The following ARHGEF18 variants were observed in gnomAD, a reference collection of about 807,000 sequenced individuals.
ARHGEF18 encodes Rho/Rac guanine nucleotide exchange factor 18, also known as rho guanine nucleotide exchange factor 18.
Under a neutral mutation model 155.7 loss-of-function variants are expected in ARHGEF18, and 93 were observed. The observed-to-expected ratio is 0.60, with a 90% CI of 0.50 to 0.71. ARHGEF18 has a LOEUF of 0.71. Ranked by LOEUF, ARHGEF18 falls within the 30% of genes least tolerant of loss-of-function variation. ARHGEF18 has a pLI of 0.00. For synonymous variants in ARHGEF18, 742 were observed against 753.1 expected, an observed-to-expected ratio of 0.99 and a Z score of 0.24; for missense variants, 1,593 against 1,816.1, an observed-to-expected ratio of 0.88 and a Z score of 2.23.
Position 7,462,102 on chromosome 19 carries a change from T to A in ARHGEF18, c.2453-50T>A. ...GGCCAGTCCCCGGGGCTCAGATGAT[T>A]CCAGGGAAGGCCGACCCGGCTGACT... On this transcript the variant is annotated intron_variant, in intron 20 of 28. Transcript: ENST00000668164. This position sits in a 1 kb window ranked among gnomAD's most constrained non-coding sequence, Gnocchi z 4.4. 1.2e-6 allele frequency: 2 copies of A among 1,611,378 alleles called. 1 individual carries two copies. The highest frequency in any genetic ancestry group is 2.2e-5 in the South Asian group (2 of 90,974).
chr19:7,456,472 T>G (rs1028851122), intron 18 of ARHGEF18, 69 bp downstream of exon 18: 56 of 1,445,914 alleles, frequency 3.9e-5, no homozygotes, highest in Non-Finnish European at 5.1e-5. Flanking sequence ...ATCCCAGCAC[T>G]TTGGGAGGCC....
chr19:7,366,884 T>C (rs1969910250), intron 2 of ARHGEF18, among the ~76,000 whole-genome samples: 1 of 151,814 alleles, frequency 6.6e-6, no homozygotes, highest in African/African-American at 2.4e-5. Flanking sequence ...CACCTCAGTT[T>C]CCAGAGTAGC....
In ARHGEF18 at chr19:7,440,115, C is replaced by T. The variant is rs1237671877; in HGVS notation, c.968-229C>T. 1.9e-6 allele frequency: 3 copies of T among 1,551,054 alleles called. No individual in the cohort carries two copies. The highest frequency in any genetic ancestry group is 2.4e-5 in the South Asian group (2 of 84,048). ...CCCGGGCGCGAACATGGGGAATGCG[C>T]ACTCCAAAAGCGGGGACAGGCACAG... On this transcript the variant is annotated intron_variant, in intron 10 of 28. Transcript: ENST00000668164. This position sits in a 1 kb window ranked among gnomAD's most constrained non-coding sequence, Gnocchi z 5.4.
chr19:7,429,658 G>A (rs1056722986), intron 10 of ARHGEF18, among the ~76,000 whole-genome samples: 1 of 152,176 alleles, frequency 6.6e-6, no homozygotes, highest in Non-Finnish European at 1.5e-5. Context: ...GTGGCCGATT[G>A]GATTTCAGGG....
At chr19:7,369,055 C>T (rs888574862) in intron 2 of ARHGEF18, among the ~76,000 whole-genome samples, 1 of 152,196 alleles carries the variant, frequency 6.6e-6, no homozygotes, top group Non-Finnish European at 1.5e-5. Flanking sequence ...ATTGACCAGG[C>T]GCGGCGGCTC....
At chr19:7,436,730 A>G (rs11667028) in intron 10 of ARHGEF18, among the ~76,000 whole-genome samples, 61,261 of 151,984 alleles carry the variant, frequency 0.4, 12,994 homozygotes, top group East Asian at 0.6. Context: ...TTTGCGCCAT[A>G]TTTGTACGTT....
intron 10 of ARHGEF18, among the ~76,000 whole-genome samples, chr19:7,415,940 G>A (rs1406913727): frequency 6.6e-6 from 1 of 152,112 alleles, no homozygotes; most frequent in Admixed American, 6.6e-5. Context: ...GTGCAGAGTG[G>A]AGAAAACTTG....
At chr19:7,375,046 C>T (rs7508557) in intron 3 of ARHGEF18, among the ~76,000 whole-genome samples, 61,583 of 151,626 alleles carry the variant, frequency 0.41, 14,018 homozygotes, top group African/African-American at 0.62. Context: ...CAGAGTCGGG[C>T]GGATCACTTG....
chr19:7,387,597 A>T (rs1312798527), intron 10 of ARHGEF18, among the ~76,000 whole-genome samples: 4 of 152,128 alleles, frequency 2.6e-5, no homozygotes, highest in African/African-American at 4.8e-5. Context: ...ACAGTCTGCA[A>T]ATAAGGTTTT....
intron 10 of ARHGEF18, among the ~76,000 whole-genome samples, chr19:7,414,724 G>A (rs1034742865): frequency 6.6e-6 from 1 of 151,860 alleles, no homozygotes; most frequent in African/African-American, 2.4e-5. Flanking sequence ...CAGGAGAATC[G>A]CTTGAACCCG....
In ARHGEF18 at chr19:7,462,132, C is replaced by T. The variant is rs1442295952; in HGVS notation, c.2453-20C>T. 1.2e-6 allele frequency: 2 copies of T among 1,613,584 alleles called. No homozygotes were observed. The highest frequency in any genetic ancestry group is 1.7e-6 in the Non-Finnish European group (2 of 1,179,974). On this transcript the variant is annotated intron_variant, in intron 20 of 28. Transcript: ENST00000668164. This position sits in a 1 kb window ranked among gnomAD's most constrained non-coding sequence, Gnocchi z 4.4. ...GGAAGGCCGACCCGGCTGACTGCCA[C>T]CTCCACCATCACTCTGCAGAGCGGT...
In ARHGEF18 at chr19:7,456,548, C is replaced by T. The variant is rs1265136704; in HGVS notation, c.2181+145C>T. ...CCTGGCCAACATGGTGAAACCTCAC[C>T]TCTACTAAAAATACAAAAATTAGCC... On this transcript the variant is annotated intron_variant, in intron 18 of 28. Transcript: ENST00000668164. 1.1e-5 allele frequency: 8 copies of T among 737,992 alleles called. No homozygotes were observed. In the East Asian group the frequency reaches 2.2e-4, roughly 20 times the overall value. 45.7% of individuals were successfully genotyped at this position (737,992 alleles called of 1,614,324 possible). A position where few individuals can be genotyped will look rare whatever the true frequency, so the allele number is the denominator to read the frequency against.
chr19:7,459,857 G>T (rs11259996), intron 19 of ARHGEF18, 46 bp from the exon 20 acceptor site: 3 of 1,513,808 alleles, frequency 2.0e-6, no homozygotes, highest in Admixed American at 2.0e-5. Flanking sequence ...GCCGAGGCTG[G>T]CCTGCCTGGG....
downstream of ARHGEF18, chr19:7,473,025 C>T (rs1031167223): frequency 2.2e-6 from 1 of 456,186 alleles, no homozygotes; most frequent in Non-Finnish European, 4.4e-6. Flanking sequence ...GAGGGTCCTG[C>T]CCACCGGGTA....
In ARHGEF18 at chr19:7,472,247, C is replaced by G. The variant is rs1231293489; in HGVS notation, c.*1949C>G. Reference sequence around the variant, plus strand: ...GCAGCGCCGACAGCCCTTCCCTCGCCAGTGCCCCTCGGCCACTCCTGGGTT... The same window carrying G: ...GCAGCGCCGACAGCCCTTCCCTCGCGAGTGCCCCTCGGCCACTCCTGGGTT... On this transcript the variant is annotated 3_prime_UTR_variant, in exon 29 of 29. Transcript: ENST00000668164. The G allele has an allele frequency of 9.8e-5, 15 of 152,380 alleles. No individual in the cohort carries two copies. The allele number at this position is 152,380 out of a possible 1,614,324, so 9.4% of individuals were successfully genotyped here.
chr19:7,437,860 C>T (rs1974359073), intron 10 of ARHGEF18, among the ~76,000 whole-genome samples: 1 of 151,784 alleles, frequency 6.6e-6, no homozygotes, highest in African/African-American at 2.4e-5. Context: ...CCAGGCTGGT[C>T]TCAAAATCCT....
chr19:7,354,049 G>A (rs950902151), intron 1 of ARHGEF18, among the ~76,000 whole-genome samples: 10 of 152,028 alleles, frequency 6.6e-5, no homozygotes, highest in African/African-American at 1.2e-4. Flanking sequence ...CATGGCTCAC[G>A]CCTGTAATCC....
Position 7,440,257 on chromosome 19 carries a change from C to T in ARHGEF18, c.968-87C>T, listed in dbSNP as rs1974547564. ...TCCAAGATCCTGTCTGTGCTGCGGC[C>T]GCAGTCGGAGCGGGGCTTCCGCGCC... On this transcript the variant is annotated intron_variant, in intron 10 of 28. Coordinates refer to ENST00000668164, the MANE Select transcript of ARHGEF18 (RefSeq NM_001367823.1). The surrounding 1 kb of genome is among the most constrained non-coding windows in gnomAD (Gnocchi z 5.4). 5 of 1,554,894 alleles carry T rather than the reference C, an allele frequency of 3.2e-6. No homozygotes were observed. The highest frequency in any genetic ancestry group is 4.4e-6 in the Non-Finnish European group (5 of 1,148,964).
chr19:7,397,049 C>T (rs1400370033), intron 10 of ARHGEF18, among the ~76,000 whole-genome samples: 2 of 139,102 alleles, frequency 1.4e-5, no homozygotes, highest in South Asian at 2.2e-4. Context: ...TCAGGGTTTA[C>T]GCTTTATCAG....
Sources: allele counts gnomAD v4.1 joint callset (sites outside exome capture counted in the v4.1 genomes callset), GRCh38; gene constraint gnomAD v4.1.1; non-coding constraint Gnocchi (gnomAD v3.1); transcripts MANE v1.5; gene names NCBI Gene and HGNC (gene_info 2026-07-23, HGNC 2026-07-21).